CCDC50: variants seen among roughly 807,000 people sequenced by gnomAD.
CCDC50 encodes the protein coiled-coil domain containing 50.
CCDC50 carries 54 observed loss-of-function variants against 70.2 expected under a neutral mutation model. The ratio of observed to expected loss-of-function variants is 0.77; its 90% confidence interval spans 0.62 to 0.96. The LOEUF is 0.96. Ranked by LOEUF, CCDC50 falls within the 50% of genes least tolerant of loss-of-function variation. The pLI, the probability that CCDC50 is intolerant of heterozygous loss-of-function variation, is 0.00. For synonymous variants in CCDC50, 216 were observed against 198.8 expected, an observed-to-expected ratio of 1.09 and a Z score of -0.73; for missense variants, 558 against 578.7, an observed-to-expected ratio of 0.96 and a Z score of 0.37.
In CCDC50 at chr3:191,397,194, C is replaced by T. The variant is rs1713889061; in HGVS notation, c.*5434C>T. The T allele has an allele frequency of 6.6e-6, 1 of 152,156 alleles. No homozygotes were observed. The highest frequency in any genetic ancestry group is 6.5e-5 in the Admixed American group (1 of 15,280). 9.4% of individuals were successfully genotyped at this position (152,156 alleles called of 1,614,324 possible). A position where few individuals can be genotyped will look rare whatever the true frequency, so the allele number is the denominator to read the frequency against. The stretch of plus-strand genomic sequence containing the variant: ...AAGTAAGGGAAGACAGCTAAGAGAA[C>T]ATACTATGACATATCATAGAATTGG... On this transcript the variant is annotated 3_prime_UTR_variant, in exon 12 of 12. Transcript: ENST00000392455.
intron 1 of CCDC50, among the ~76,000 whole-genome samples, chr3:191,336,119 T>A (rs1711518307): frequency 6.6e-6 from 1 of 152,092 alleles, no homozygotes. Context: ...ACTCTAAACA[T>A]TTGTGTACAA....
chr3:191,381,442 G>A (rs1417153392), intron 9 of CCDC50, among the ~76,000 whole-genome samples: 1 of 152,098 alleles, frequency 6.6e-6, no homozygotes, highest in African/African-American at 2.4e-5. Context: ...CCTATCTAGC[G>A]TGAGTTTGGA....
chr3:191,346,070 T>C (rs1031065357), intron 1 of CCDC50, among the ~76,000 whole-genome samples: 12 of 152,198 alleles, frequency 7.9e-5, no homozygotes, highest in African/African-American at 2.9e-4. Flanking sequence ...ATATTTCTCT[T>C]CTTACATTGG....
intron 4 of CCDC50, among the ~76,000 whole-genome samples, chr3:191,367,778 C>T (rs1308321662): frequency 3.9e-5 from 6 of 151,922 alleles, no homozygotes; most frequent in East Asian, 1.9e-4. Context: ...AAGCAAACCA[C>T]GTAGGAAAAT....
chr3:191,382,755 GC>G lies in CCDC50; in HGVS notation c.1253del (p.Ala418ValfsTer30). 1 of 1,611,286 alleles carries G rather than the reference GC, an allele frequency of 6.2e-7. No individual in the cohort carries two copies. Among genetic ancestry groups the G allele is most frequent in the Non-Finnish European group, 8.5e-7 (1 of 1,177,654 alleles). ...KQDPEWKPKT[A>X]KAANSKSKES... ...GTATTTTTGTCCATAGCCAAAAACAGCTAAAGCAGCAAATTCCAAGTCAAAA... is the reference window on the plus strand; with the variant it reads ...GTATTTTTGTCCATAGCCAAAAACAGTAAAGCAGCAAATTCCAAGTCAAAA... On this transcript the variant is annotated frameshift_variant, in exon 10 of 12. Transcript: ENST00000392455. LOFTEE classifies it high-confidence loss of function.
intron 1 of CCDC50, chr3:191,330,538 T>C (rs1313372878): frequency 6.6e-6 from 1 of 152,182 alleles, no homozygotes; most frequent in Non-Finnish European, 1.5e-5. Flanking sequence ...CCTTGAGTTA[T>C]CTTTGTTTAT....
At chr3:191,365,153 CTTTT>C (rs79930291) in intron 4 of CCDC50, among the ~76,000 whole-genome samples, 1 of 149,134 alleles carries the variant, frequency 6.7e-6, no homozygotes, top group East Asian at 1.9e-4. Flanking sequence ...TAAGGAAAAA[CTTTT>C]TTTTTTCCTT....
rs1281504655 is a variant in CCDC50 at position 191,369,905 on chromosome 3, T to G, written c.331-14T>G. On this transcript the variant is annotated splice_polypyrimidine_tract_variant and intron_variant, in intron 4 of 11. Coordinates refer to ENST00000392455, the MANE Select transcript of CCDC50 (RefSeq NM_178335.3). ...TTGGTAATGTGTATTTCCATTCTCC[T>G]CTTGTCTTTGCAGGACATAGCTCGC... The G allele has an allele frequency of 6.3e-7, 1 of 1,576,790 alleles. No individual in the cohort carries two copies. The highest frequency in any genetic ancestry group is 1.3e-5 in the African/African-American group (1 of 74,288).
chr3:191,329,831 CCG>C, intron 1 of CCDC50, 108 bp downstream of exon 1: 1 of 1,178,056 alleles, frequency 8.5e-7, no homozygotes, highest in Non-Finnish European at 1.2e-6. Flanking sequence ...CGCCCGGTGC[CCG>C]CCCTGCGTTG....
rs910177935 is a variant in CCDC50 at position 191,358,215 on chromosome 3, T to C, written c.239+91T>C. On this transcript the variant is annotated intron_variant, in intron 3 of 11. Coordinates refer to ENST00000392455, the MANE Select transcript of CCDC50 (RefSeq NM_178335.3). The stretch of plus-strand genomic sequence containing the variant: ...GCAGGGGAGAAGGAGACTACTTCTG[T>C]TCCTCTGATTCCTTCTACTGTTAGA... The C allele has an allele frequency of 2.1e-5, 29 of 1,389,864 alleles. No homozygotes were observed. In the African/African-American group the frequency reaches 4.2e-4, roughly 20 times the overall value. The allele number at this position is 1,389,864 out of a possible 1,614,324, so 86.1% of individuals were successfully genotyped here. A position where few individuals can be genotyped will look rare whatever the true frequency, so the allele number is the denominator to read the frequency against.
At chr3:191,385,954 A>G (rs1434681307) in intron 10 of CCDC50, among the ~76,000 whole-genome samples, 1 of 152,008 alleles carries the variant, frequency 6.6e-6, no homozygotes, top group African/African-American at 2.4e-5. Flanking sequence ...CTTTATTTCA[A>G]GGGATCTGTA....
At position 191,380,822 on chromosome 3, in the gene CCDC50, G is replaced by T. The variant is rs1421283642; in HGVS notation, c.1138-6G>T. On this transcript the variant is annotated splice_polypyrimidine_tract_variant and splice_region_variant and intron_variant, in intron 8 of 11. Transcript: ENST00000392455. ...CAGTTAATGATATTGACTGTATTTT[G>T]TTTAGGAAATCGCTCGACTTCTAAT... 6.2e-7 allele frequency: 1 copy of T among 1,612,758 alleles called. No homozygotes were observed. Among genetic ancestry groups the T allele is most frequent in the African/African-American group, 1.3e-5 (1 of 74,932 alleles).
chr3:191,379,031 AT>A (rs1560169584), intron 6 of CCDC50, among the ~76,000 whole-genome samples: 1 of 152,082 alleles, frequency 6.6e-6, no homozygotes, highest in East Asian at 1.9e-4. Flanking sequence ...CTTGTATTTT[AT>A]TTTTTTAAAG....
At chr3:191,338,898 A>G (rs1318016587) in intron 1 of CCDC50, among the ~76,000 whole-genome samples, 2 of 152,204 alleles carry the variant, frequency 1.3e-5, no homozygotes, top group African/African-American at 4.8e-5. Flanking sequence ...TACACGTTCC[A>G]GTAAAGTGAT....
intron 4 of CCDC50, among the ~76,000 whole-genome samples, chr3:191,369,240 C>G (rs1056308565): frequency 6.6e-6 from 1 of 151,966 alleles, no homozygotes; most frequent in African/African-American, 2.4e-5. Flanking sequence ...TTTGTACTCC[C>G]GTGGAAATTT....
intron 1 of CCDC50, among the ~76,000 whole-genome samples, chr3:191,332,453 TCTGTATA>T (rs1344228696): frequency 6.6e-6 from 1 of 152,180 alleles, no homozygotes; most frequent in Non-Finnish European, 1.5e-5. Flanking sequence ...GTTTGGAACA[TCTGTATA>T]CTTTTTGTAA....
At chr3:191,382,689 A>C in intron 9 of CCDC50, 57 bp from the exon 10 acceptor site, 1 of 1,101,982 alleles carries the variant, frequency 9.1e-7, no homozygotes. Context: ...TTGTTTGATG[A>C]TTCTGGATTG....
chr3:191,367,475 C>A (rs1180796373), intron 4 of CCDC50, among the ~76,000 whole-genome samples: 1 of 152,146 alleles, frequency 6.6e-6, no homozygotes, highest in Non-Finnish European at 1.5e-5. Flanking sequence ...TAAAATGAAT[C>A]TCTTTTCTCC....
At chr3:191,356,437 T>C (rs1307935016) in intron 1 of CCDC50, among the ~76,000 whole-genome samples, 1 of 152,146 alleles carries the variant, frequency 6.6e-6, no homozygotes, top group Non-Finnish European at 1.5e-5. Flanking sequence ...TTTCTTTTGG[T>C]TTGTAGATTA....
Sources: gnomAD v4.1 joint callset for allele counts (sites outside exome capture counted in the v4.1 genomes callset) on GRCh38, gnomAD v4.1.1 for gene constraint, MANE v1.5 for transcripts, NCBI Gene and HGNC (gene_info 2026-07-23, HGNC 2026-07-21) for gene names.